Variants in METTL6 observed in about 807,000 individuals in gnomAD.
The protein encoded by METTL6 is tRNA N(3)-cytidine methyltransferase METTL6.
A neutral mutation model predicts 26.4 loss-of-function variants in METTL6; 22 were observed. The ratio of observed to expected loss-of-function variants is 0.83; its 90% confidence interval spans 0.59 to 1.19. METTL6 has a LOEUF of 1.19. Ranked by LOEUF, METTL6 falls within the 50% of genes most tolerant of loss-of-function variation. METTL6 has a pLI of 0.00. For synonymous variants in METTL6, 109 were observed against 116.2 expected (o/e 0.94, Z 0.40); for missense variants, 304 against 324.8 (o/e 0.94, Z 0.49).
chr3:15,407,102 C>T (rs1575410129), downstream of METTL6, among the ~76,000 whole-genome samples: 1 of 152,176 alleles, frequency 6.6e-6, no homozygotes, highest in South Asian at 2.1e-4. Flanking sequence ...CTGCAACCTC[C>T]ACCTCCCGGG....
At chr3:15,384,069 T>G (rs766196616) in exon 7 of METTL6, 1 of 368,216 alleles carries the variant, frequency 2.7e-6, no homozygotes, top group South Asian at 1.9e-5. Flanking sequence ...AAATTAGGGT[T>G]GAGGTACTAT....
At chr3:15,389,399 G>A (rs750088168) in intron 6 of METTL6, among the ~76,000 whole-genome samples, 3 of 152,068 alleles carry the variant, frequency 2.0e-5, no homozygotes, top group African/African-American at 4.8e-5. Context: ...TCCTTGGTGG[G>A]TCCTTCAGCC....
In METTL6 at chr3:15,410,983, C is replaced by A; in HGVS notation, c.*273G>T. 3.2e-6 allele frequency: 1 copy of A among 316,280 alleles called. No individual in the cohort carries two copies. The highest frequency in any genetic ancestry group is 5.8e-6 in the Non-Finnish European group (1 of 172,376). The allele number at this position is 316,280 out of a possible 1,614,324, so 19.6% of individuals were successfully genotyped here. ...TCTTGGCTCACTGCAGTCTCCGCCT[C>A]TTGGGTTCAAGCGATTCTCTTGCCT... On this transcript the variant is annotated 3_prime_UTR_variant, in exon 6 of 6. Coordinates refer to ENST00000383790, the MANE Select transcript of METTL6 (RefSeq NM_152396.4).
chr3:15,426,705 T>C (rs2061733106), intron 1 of METTL6, 70 bp from the exon 2 acceptor site: 2 of 604,968 alleles, frequency 3.3e-6, no homozygotes, highest in South Asian at 4.1e-5. Context: ...ATTCACCAAA[T>C]GTTTATGAGA....
In METTL6 at chr3:15,423,688, C is replaced by T. The variant is rs966551756; in HGVS notation, c.360+1267G>A. Among the ~76,000 whole-genome samples, 7 of 151,930 alleles carry T rather than the reference C, an allele frequency of 4.6e-5. No individual in the cohort carries two copies. The East Asian group carries it at 1.2e-3, about 25-fold the overall frequency. ...AGAAGTTCGAGACCAGCCTGGGCAACGCAGTGAGACCTTATCTCTAAAATA... is the reference window on the plus strand; with the variant it reads ...AGAAGTTCGAGACCAGCCTGGGCAATGCAGTGAGACCTTATCTCTAAAATA... On this transcript the variant is annotated intron_variant, in intron 3 of 5. Coordinates refer to ENST00000383790, the MANE Select transcript of METTL6 (RefSeq NM_152396.4).
intron 6 of METTL6, among the ~76,000 whole-genome samples, chr3:15,387,782 G>T (rs759966145): frequency 2.6e-5 from 4 of 151,956 alleles, no homozygotes; most frequent in Non-Finnish European, 5.9e-5. Flanking sequence ...AGGGAACAGA[G>T]ATTAGCTTGT....
chr3:15,427,060 G>T (rs2061741403), intron 1 of METTL6, among the ~76,000 whole-genome samples: 1 of 152,164 alleles, frequency 6.6e-6, no homozygotes, highest in African/African-American at 2.4e-5. Context: ...TCGGACCTCC[G>T]TTTTTTCGGG....
chr3:15,397,429 T>C lies in METTL6; in HGVS notation c.*12-13242A>G, dbSNP rs150870545. On this transcript the variant is annotated intron_variant, in intron 6 of 6. Coordinates refer to the METTL6 transcript ENST00000443029. ...AGGGAATTCCCCTGACCCCTTGTGCTTCCCCGGGGAGGCGATGCCTCACCC... is the reference window on the plus strand; with the variant it reads ...AGGGAATTCCCCTGACCCCTTGTGCCTCCCCGGGGAGGCGATGCCTCACCC... Among the ~76,000 whole-genome samples the C allele has an allele frequency of 5.4e-3, 822 of 152,256 alleles. 9 individuals are homozygous for C. Among genetic ancestry groups the C allele is most frequent in the African/African-American group, 0.019 (783 of 41,550 alleles).
intron 6 of METTL6, chr3:15,399,403 C>T (rs1307458834): frequency 1.3e-5 from 2 of 151,994 alleles, no homozygotes; most frequent in Non-Finnish European, 2.9e-5. Context: ...TTCTTTCTTA[C>T]TCAAGGTCCA....
At chr3:15,396,652 G>A (rs981931276) in intron 6 of METTL6, among the ~76,000 whole-genome samples, 5 of 152,190 alleles carry the variant, frequency 3.3e-5, no homozygotes, top group Admixed American at 2.6e-4. Context: ...TGATGGTGAT[G>A]TACAGATGGG....
intron 6 of METTL6, among the ~76,000 whole-genome samples, chr3:15,392,901 C>T (rs1699388276): frequency 6.6e-6 from 1 of 152,134 alleles, no homozygotes; most frequent in Non-Finnish European, 1.5e-5. Context: ...TTACTGTAGC[C>T]TTGTAGTATA....
chr3:15,387,787 G>C (rs1409445933), intron 6 of METTL6, among the ~76,000 whole-genome samples: 1 of 151,768 alleles, frequency 6.6e-6, no homozygotes, highest in African/African-American at 2.4e-5. Context: ...ACAGAGATTA[G>C]CTTGTAAATC....
downstream of METTL6, among the ~76,000 whole-genome samples, chr3:15,407,232 C>T (rs181380756): frequency 2.0e-5 from 3 of 152,244 alleles, no homozygotes; most frequent in Admixed American, 2.0e-4. Flanking sequence ...GTTGGCCAGG[C>T]TGGTCTCCAA....
chr3:15,405,745 T>A (rs1041272350), downstream of METTL6, among the ~76,000 whole-genome samples: 10 of 152,164 alleles, frequency 6.6e-5, no homozygotes, highest in Non-Finnish European at 1.2e-4. Flanking sequence ...TCTGGAGAAA[T>A]ACAAAATAAT....
intron 3 of METTL6, among the ~76,000 whole-genome samples, chr3:15,417,421 C>G (rs766282980): frequency 6.6e-6 from 1 of 151,224 alleles, no homozygotes; most frequent in Non-Finnish European, 1.5e-5. Flanking sequence ...TGCCACTGCA[C>G]GCCAGCCTGC....
chr3:15,396,604 TC>T (rs1410475739), intron 6 of METTL6, among the ~76,000 whole-genome samples: 2 of 152,178 alleles, frequency 1.3e-5, no homozygotes, highest in Non-Finnish European at 2.9e-5. Flanking sequence ...CTCTGTTTTT[TC>T]CCCATCTTTG....
chr3:15,405,164 A>G (rs1425142032), downstream of METTL6, among the ~76,000 whole-genome samples: 1 of 152,226 alleles, frequency 6.6e-6, no homozygotes, highest in African/African-American at 2.4e-5. Flanking sequence ...ATTTACTCAC[A>G]GGAAAAAAAA....
At chr3:15,407,376 A>G (rs1324861700), downstream of METTL6, among the ~76,000 whole-genome samples, 6 of 152,240 alleles carry the variant, frequency 3.9e-5, no homozygotes, top group African/African-American at 1.4e-4. Flanking sequence ...GGGGGTTAGA[A>G]TTTGGGGCAT....
intron 3 of METTL6, among the ~76,000 whole-genome samples, chr3:15,419,489 A>C (rs2061561377): frequency 6.6e-6 from 1 of 152,204 alleles, no homozygotes; most frequent in African/African-American, 2.4e-5. Context: ...ACCTTCCACA[A>C]GGCCTTCAAC....
Sources: allele counts gnomAD v4.1 joint callset (sites outside exome capture counted in the v4.1 genomes callset), GRCh38; gene constraint gnomAD v4.1.1; transcripts MANE v1.5; gene names NCBI Gene and HGNC (gene_info 2026-07-23, HGNC 2026-07-21).